The following SKAP1 variants were observed in gnomAD, a reference collection of about 807,000 sequenced individuals.
The protein encoded by SKAP1 is src kinase-associated phosphoprotein 1.
A neutral mutation model predicts 58.5 loss-of-function variants in SKAP1; 44 were observed. The ratio of observed to expected loss-of-function variants is 0.75; its 90% CI spans 0.59 to 0.97. The LOEUF (loss-of-function observed/expected upper bound fraction) is 0.97. Among genes scored for constraint, SKAP1 ranks in the 50% least tolerant of loss-of-function variants. The probability of loss-of-function intolerance (pLI) is 0.00; values close to 1 mark genes in which losing one functional copy is unlikely to be tolerated. For missense variants in SKAP1, 390 were observed against 435.2 expected (o/e 0.90, Z 0.92); for synonymous variants, 127 against 149.7 (o/e 0.85, Z 1.11).
intron 4 of SKAP1, among the ~76,000 whole-genome samples, chr17:48,240,678 T>A (rs1302551727): frequency 6.6e-6 from 1 of 152,178 alleles, no homozygotes. Context: ...ACCAAATGGT[T>A]TATTGTGCAG....
the SKAP1 span, among the ~76,000 whole-genome samples, chr17:48,442,008 A>G: frequency 6.6e-6 from 1 of 152,290 alleles, no homozygotes; most frequent in African/African-American, 2.4e-5. Flanking sequence ...CAAGCTTAAC[A>G]TCATCAGTGT....
At chr17:48,273,247 C>A (rs2143995414) in intron 4 of SKAP1, among the ~76,000 whole-genome samples, 1 of 152,278 alleles carries the variant, frequency 6.6e-6, no homozygotes, top group Non-Finnish European at 1.5e-5. Flanking sequence ...CATTTCCTTT[C>A]TGTGCCTCCT....
intron 4 of SKAP1, among the ~76,000 whole-genome samples, chr17:48,311,831 TCA>T (rs2066228450): frequency 6.6e-6 from 1 of 152,122 alleles, no homozygotes; most frequent in African/African-American, 2.4e-5. Flanking sequence ...CAGACAGAAA[TCA>T]CATATATTCT....
At chr17:48,297,542 A>C (rs1008498114) in intron 4 of SKAP1, among the ~76,000 whole-genome samples, 1 of 152,206 alleles carries the variant, frequency 6.6e-6, no homozygotes, top group Non-Finnish European at 1.5e-5. Context: ...TTAACTTTTA[A>C]ATCAGACCTA....
intron 1 of SKAP1, among the ~76,000 whole-genome samples, chr17:48,398,864 T>C (rs1052082586): frequency 2.0e-5 from 3 of 151,952 alleles, no homozygotes; most frequent in Admixed American, 1.3e-4. Flanking sequence ...TCTCTAAAAA[T>C]ACAAAAATTA....
intron 4 of SKAP1, among the ~76,000 whole-genome samples, chr17:48,297,073 T>C (rs1386962471): frequency 6.6e-6 from 1 of 152,200 alleles, no homozygotes; most frequent in Non-Finnish European, 1.5e-5. Context: ...ACACTCCTTT[T>C]GGTAGGCCTT....
intron 3 of SKAP1, among the ~76,000 whole-genome samples, chr17:48,357,746 C>G (rs2066894913): frequency 6.6e-6 from 1 of 152,140 alleles, no homozygotes; most frequent in Non-Finnish European, 1.5e-5. Flanking sequence ...AAAAACCACC[C>G]TACCAGTAGA....
intron 2 of SKAP1, among the ~76,000 whole-genome samples, chr17:48,392,544 A>G (rs2067361714): frequency 6.6e-6 from 1 of 151,932 alleles, no homozygotes; most frequent in East Asian, 1.9e-4. Flanking sequence ...GAGAGAAATT[A>G]AGCCATATCT....
At chr17:48,409,846 AAC>A (rs1480716573) in intron 1 of SKAP1, among the ~76,000 whole-genome samples, 1 of 152,178 alleles carries the variant, frequency 6.6e-6, no homozygotes, top group Non-Finnish European at 1.5e-5. Context: ...AGAACTTTAA[AAC>A]ACAGAGTGAG....
intron 11 of SKAP1, among the ~76,000 whole-genome samples, chr17:48,147,467 A>C (rs7220768): frequency 6.6e-6 from 1 of 152,034 alleles, no homozygotes; most frequent in Non-Finnish European, 1.5e-5. Context: ...GCTTTCTTAG[A>C]ATATCATACC....
chr17:48,318,539 G>T (rs2066319134), intron 4 of SKAP1, among the ~76,000 whole-genome samples: 1 of 152,196 alleles, frequency 6.6e-6, no homozygotes, highest in African/African-American at 2.4e-5. Context: ...ACAAATGGTT[G>T]TATTTGTATT....
intron 11 of SKAP1, among the ~76,000 whole-genome samples, chr17:48,140,150 C>G (rs2063750616): frequency 6.6e-6 from 1 of 152,198 alleles, no homozygotes; most frequent in African/African-American, 2.4e-5. Flanking sequence ...TGAAGCCGCT[C>G]TCATCAGGCT....
chr17:48,168,605 G>A (rs1412556841), intron 10 of SKAP1, among the ~76,000 whole-genome samples: 3 of 152,160 alleles, frequency 2.0e-5, no homozygotes, highest in South Asian at 2.1e-4. Context: ...TGCAGTGAGC[G>A]GAGATAGCGC....
At chr17:48,383,148 G>A (rs779634434) in intron 2 of SKAP1, among the ~76,000 whole-genome samples, 13 of 152,066 alleles carry the variant, frequency 8.5e-5, no homozygotes, top group South Asian at 2.1e-4. Flanking sequence ...ATCCTCACCC[G>A]GCTTTTAGTT....
At chr17:48,246,955 G>T (rs760224956) in intron 4 of SKAP1, among the ~76,000 whole-genome samples, 5 of 152,176 alleles carry the variant, frequency 3.3e-5, no homozygotes, top group Non-Finnish European at 7.3e-5. Context: ...ATGAATGAAT[G>T]TTAGAAAGAA....
At chr17:48,367,524 ATGTATGTGTGTG>A (rs2067019595) in intron 2 of SKAP1, among the ~76,000 whole-genome samples, 1 of 105,208 alleles carries the variant, frequency 9.5e-6, no homozygotes, top group Non-Finnish European at 2.0e-5. Flanking sequence ...GTGTGTGTAT[ATGTATGTGTGTG>A]TATATATATA....
At chr17:48,245,957 A>G (rs1483148974) in intron 4 of SKAP1, among the ~76,000 whole-genome samples, 5 of 152,208 alleles carry the variant, frequency 3.3e-5, no homozygotes, top group African/African-American at 9.7e-5. Context: ...CCTGGGTGAC[A>G]GAGCTAGACT....
intron 4 of SKAP1, among the ~76,000 whole-genome samples, chr17:48,301,529 C>T (rs1408001540): frequency 4.6e-5 from 7 of 152,006 alleles, no homozygotes; most frequent in Non-Finnish European, 4.4e-5. Flanking sequence ...GGCGTGATCT[C>T]GGCTCACTGC....
intron 11 of SKAP1, among the ~76,000 whole-genome samples, chr17:48,161,177 A>G (rs748758162): frequency 1.4e-4 from 22 of 152,218 alleles, no homozygotes; most frequent in Non-Finnish European, 8.8e-5. Flanking sequence ...CTTATGGTAT[A>G]TCTCAAACCA....
Sources: gnomAD v4.1 joint callset for allele counts (sites outside exome capture counted in the v4.1 genomes callset) on GRCh38, gnomAD v4.1.1 for gene constraint, MANE v1.5 for transcripts, NCBI Gene and HGNC (gene_info 2026-07-23, HGNC 2026-07-21) for gene names.